PDE10A: variants seen among roughly 807,000 people sequenced by gnomAD.
PDE10A encodes phosphodiesterase 10A.
A neutral mutation model predicts 97.7 loss-of-function variants in PDE10A; 39 were observed. The observed-to-expected ratio is 0.40, with a 90% CI of 0.31 to 0.52. The LOEUF is 0.52. Among genes scored for constraint, PDE10A ranks in the 20% least tolerant of loss-of-function variants. The pLI is 0.56. For synonymous variants in PDE10A, 371 were observed against 376.8 expected (o/e 0.98, Z 0.18); for missense variants, 731 against 1,047.8 (o/e 0.70, Z 4.17).
intron 1 of PDE10A, among the ~76,000 whole-genome samples, chr6:165,950,329 A>G (rs1047311080): frequency 4.3e-4 from 65 of 152,186 alleles, no homozygotes; most frequent in African/African-American, 1.5e-3. Flanking sequence ...ACCCAACAAG[A>G]TTCACTCACA....
intron 13 of PDE10A, among the ~76,000 whole-genome samples, chr6:165,409,862 G>T (rs956972369): frequency 6.7e-6 from 1 of 149,758 alleles, no homozygotes; most frequent in Admixed American, 6.7e-5. Context: ...ATGTAAAAAT[G>T]GAATGCCTAT....
At chr6:165,478,336 CT>C (rs1015337175) in intron 3 of PDE10A, among the ~76,000 whole-genome samples, 1 of 152,150 alleles carries the variant, frequency 6.6e-6, no homozygotes, top group Non-Finnish European at 1.5e-5. Context: ...CCCCAACTGA[CT>C]GAAAGACTGT....
chr6:165,642,737 G>C lies in PDE10A; in HGVS notation c.865+19210C>G, dbSNP rs57350137. Among the ~76,000 whole-genome samples the C allele has an allele frequency of 3.5e-3, 527 of 152,298 alleles. 6 individuals are homozygous for C. Among genetic ancestry groups the C allele is most frequent in the African/African-American group, 0.012 (495 of 41,560 alleles). The stretch of plus-strand genomic sequence containing the variant: ...AGGTGGGTGAACGCTACACAGCCTA[G>C]GTAATTCGCTCACATCCAGCCTGTT... On this transcript the variant is annotated intron_variant, in intron 1 of 21. Transcript: ENST00000539869.
intron 1 of PDE10A, among the ~76,000 whole-genome samples, chr6:165,930,369 C>T (rs1385303209): frequency 6.6e-6 from 1 of 152,174 alleles, no homozygotes; most frequent in Non-Finnish European, 1.5e-5. Context: ...GTGTGGGTGG[C>T]CACCCAGCAG....
In PDE10A at chr6:165,819,311, T is replaced by C. The variant is rs1177819731; in HGVS notation, c.-615+168218A>G. Among the ~76,000 whole-genome samples, 5 of 152,176 alleles carry C rather than the reference T, an allele frequency of 3.3e-5. No individual in the cohort carries two copies. Among genetic ancestry groups the C allele is most frequent in the Non-Finnish European group, 7.3e-5 (5 of 68,030 alleles). On this transcript the variant is annotated intron_variant, in intron 1 of 19. Transcript: ENST00000366882. This position sits in a 1 kb window ranked among gnomAD's most constrained non-coding sequence, Gnocchi z 4.2. ...GCCCAGCCTCATGACTTCTACCTCT[T>C]AAGTATTTCTCCTTTCTTTAAAATC...
At chr6:165,897,870 A>T (rs972588219) in intron 1 of PDE10A, among the ~76,000 whole-genome samples, 1 of 151,956 alleles carries the variant, frequency 6.6e-6, no homozygotes, top group Non-Finnish European at 1.5e-5. Flanking sequence ...GCTCTCCTCC[A>T]GCTGCTTAGG....
In PDE10A at chr6:165,661,597, G is replaced by A; in HGVS notation, c.865+350C>T. 1 of 256,162 alleles carries A rather than the reference G, an allele frequency of 3.9e-6. No homozygotes were observed. The highest frequency in any genetic ancestry group is 7.4e-6 in the Non-Finnish European group (1 of 135,892). 15.9% of individuals were successfully genotyped at this position (256,162 alleles called of 1,614,324 possible). A position where few individuals can be genotyped will look rare whatever the true frequency, so the allele number is the denominator to read the frequency against. ...GAGGAACCTAAGTGGTCACAAAGTT[G>A]AGTATAAATACGCGCCGGACAAGTG... On this transcript the variant is annotated intron_variant, in intron 1 of 21. Coordinates refer to ENST00000539869, the MANE Select transcript of PDE10A (RefSeq NM_001385079.1). This position sits in a 1 kb window ranked among gnomAD's most constrained non-coding sequence, Gnocchi z 4.8.
At chr6:165,447,590 G>C (rs781492523) in intron 5 of PDE10A, among the ~76,000 whole-genome samples, 8 of 152,160 alleles carry the variant, frequency 5.3e-5, no homozygotes, top group Non-Finnish European at 1.2e-4. Flanking sequence ...TTTTCTAAAA[G>C]AAATTACTTT....
At chr6:165,720,076 A>G (rs1473020837) in intron 1 of PDE10A, among the ~76,000 whole-genome samples, 2 of 152,238 alleles carry the variant, frequency 1.3e-5, no homozygotes, top group Non-Finnish European at 2.9e-5. Flanking sequence ...AAACAAAGTA[A>G]TTATTCACAA....
intron 1 of PDE10A, among the ~76,000 whole-genome samples, chr6:165,632,342 GT>G (rs1788674420): frequency 6.6e-6 from 1 of 152,058 alleles, no homozygotes; most frequent in South Asian, 2.1e-4. Flanking sequence ...GCTTCAAGCT[GT>G]TAAGAAAGCT....
At chr6:165,869,905 A>G (rs1781153228) in intron 1 of PDE10A, among the ~76,000 whole-genome samples, 1 of 152,108 alleles carries the variant, frequency 6.6e-6, no homozygotes, top group African/African-American at 2.4e-5. Flanking sequence ...GCAAAAGAAT[A>G]AAACTGGACC....
rs1382286945 is a variant in PDE10A, at chr6:165,372,238, C to A, written c.2783+6956G>T. Among the ~76,000 whole-genome samples, 6 of 148,734 alleles carry A rather than the reference C, an allele frequency of 4.0e-5. No homozygotes were observed. The East Asian group carries it at 9.8e-4, about 24-fold the overall frequency. Reference sequence around the variant, plus strand: ...GGAAGTTCTGGCCAGGGCAATCAGGCAGGAGAAGGAAATAAAGGGTATTCA... The same window carrying A: ...GGAAGTTCTGGCCAGGGCAATCAGGAAGGAGAAGGAAATAAAGGGTATTCA... On this transcript the variant is annotated intron_variant, in intron 18 of 21. Transcript: ENST00000539869.
intron 1 of PDE10A, among the ~76,000 whole-genome samples, chr6:165,768,077 G>A (rs192622460): frequency 1.8e-4 from 27 of 152,172 alleles, no homozygotes; most frequent in African/African-American, 4.1e-4. Flanking sequence ...CCATTTGTAC[G>A]TCTTCTTTAG....
At chr6:165,801,669 G>A (rs1335930492) in intron 1 of PDE10A, among the ~76,000 whole-genome samples, 1 of 152,224 alleles carries the variant, frequency 6.6e-6, no homozygotes, top group African/African-American at 2.4e-5. Context: ...CCCTTTTCAA[G>A]CTAAATCAAC....
intron 1 of PDE10A, among the ~76,000 whole-genome samples, chr6:165,621,392 A>C (rs776018496): frequency 9.9e-5 from 15 of 152,078 alleles, no homozygotes; most frequent in Non-Finnish European, 1.9e-4. Context: ...TTCTTTCTGG[A>C]ATTGAAAAAC....
chr6:165,488,852 C>T (rs221729), intron 2 of PDE10A, among the ~76,000 whole-genome samples: 362 of 152,110 alleles, frequency 2.4e-3, no homozygotes, highest in Middle Eastern at 6.8e-3. Context: ...CAGCAGAGGC[C>T]CCCTGGGAAC....
chr6:165,765,525 C>T (rs1309107309), intron 1 of PDE10A, among the ~76,000 whole-genome samples: 1 of 152,258 alleles, frequency 6.6e-6, no homozygotes, highest in South Asian at 2.1e-4. Flanking sequence ...GCCGCTGGCC[C>T]GGGTGCTAAG....
intron 1 of PDE10A, among the ~76,000 whole-genome samples, chr6:165,870,127 T>G (rs1255286884): frequency 6.6e-6 from 1 of 152,080 alleles, no homozygotes; most frequent in Non-Finnish European, 1.5e-5. Context: ...AGCTTTGCAC[T>G]GCCAGGAAAA....
At chr6:165,812,372 T>C (rs1175790047) in intron 1 of PDE10A, among the ~76,000 whole-genome samples, 1 of 152,226 alleles carries the variant, frequency 6.6e-6, no homozygotes, top group East Asian at 1.9e-4. Context: ...AAAATAACTT[T>C]TAATAACTTC....
Sources: allele counts gnomAD v4.1 joint callset (sites outside exome capture counted in the v4.1 genomes callset), GRCh38; gene constraint gnomAD v4.1.1; non-coding constraint Gnocchi (gnomAD v3.1); transcripts MANE v1.5; gene names NCBI Gene and HGNC (gene_info 2026-07-23, HGNC 2026-07-21).